The following MTBP variants were observed in gnomAD, a reference collection of about 807,000 sequenced individuals.
The protein encoded by MTBP is MDM2 binding protein.
A neutral mutation model predicts 117.0 loss-of-function variants in MTBP; 101 were observed. The observed-to-expected ratio is 0.86, with a 90% CI of 0.73 to 1.02. The LOEUF is 1.02. Among genes scored for constraint, MTBP ranks in the 50% least tolerant of loss-of-function variants. MTBP has a pLI of 0.00. For missense variants in MTBP, 970 were observed against 1,030.9 expected, an observed-to-expected ratio of 0.94 and a Z score of 0.81; for synonymous variants, 350 against 351.5, an observed-to-expected ratio of 1.00 and a Z score of 0.05.
At chr8:120,521,745 T>C (rs1815009729) in intron 20 of MTBP, among the ~76,000 whole-genome samples, 1 of 152,236 alleles carries the variant, frequency 6.6e-6, no homozygotes, top group South Asian at 2.1e-4. Context: ...CTTTTGTATG[T>C]CATTCTTCTT....
At chr8:120,487,554 A>G (rs1178716427) in intron 11 of MTBP, among the ~76,000 whole-genome samples, 1 of 152,230 alleles carries the variant, frequency 6.6e-6, no homozygotes, top group Non-Finnish European at 1.5e-5. Context: ...GAAAGATTCT[A>G]CTTCTATTTT....
intron 5 of MTBP, among the ~76,000 whole-genome samples, chr8:120,454,492 T>C (rs890640314): frequency 1.3e-5 from 2 of 152,090 alleles, no homozygotes; most frequent in African/African-American, 4.8e-5. Context: ...ATCTAATATT[T>C]GGTACAGTTG....
In MTBP at chr8:120,451,535, G is replaced by A. The variant is rs567492755; in HGVS notation, c.425+213G>A. 7.2e-4 allele frequency: 328 copies of A among 457,864 alleles called. 1 individual carries two copies. Among genetic ancestry groups the A allele is most frequent in the Non-Finnish European group, 6.6e-4 (169 of 257,702 alleles). 28.4% of individuals were successfully genotyped at this position (457,864 alleles called of 1,614,324 possible). A position where few individuals can be genotyped will look rare whatever the true frequency, so the allele number is the denominator to read the frequency against. On this transcript the variant is annotated intron_variant, in intron 4 of 21. Transcript: ENST00000305949. ...TACATAATGTCAAGAATCATAAAAAGTGATATTTTAATAAACATGTTCCTT... is the reference window on the plus strand; with the variant it reads ...TACATAATGTCAAGAATCATAAAAAATGATATTTTAATAAACATGTTCCTT...
At chr8:120,470,549 A>T (rs762839171) in intron 10 of MTBP, among the ~76,000 whole-genome samples, 1 of 152,228 alleles carries the variant, frequency 6.6e-6, no homozygotes. Flanking sequence ...TGTATTTTTC[A>T]GAGATGTATA....
chr8:120,472,294 A>G (rs185307442), intron 11 of MTBP: 1 of 152,314 alleles, frequency 6.6e-6, no homozygotes. Context: ...TAAGATATCT[A>G]TGTGGAAATT....
chr8:120,484,457 T>G (rs78806987), intron 11 of MTBP, among the ~76,000 whole-genome samples: 2,076 of 152,236 alleles, frequency 0.014, 41 homozygotes, highest in African/African-American at 0.046. Flanking sequence ...TGTAATAAAA[T>G]TACAGTACTT....
At chr8:120,511,232 G>A (rs1474932614) in intron 17 of MTBP, among the ~76,000 whole-genome samples, 1 of 152,168 alleles carries the variant, frequency 6.6e-6, no homozygotes, top group African/African-American at 2.4e-5. Context: ...CTTAAATTTA[G>A]CTGAAGCTTT....
chr8:120,463,955 C>T (rs71514706), intron 10 of MTBP, among the ~76,000 whole-genome samples, 194 bp downstream of exon 10: 14,401 of 152,016 alleles, frequency 0.095, 1,004 homozygotes, highest in Non-Finnish European at 0.14. Flanking sequence ...TAAAAGTACT[C>T]TGCAAACATA....
At position 120,456,596 on chromosome 8, in the gene MTBP, T is replaced by A. The variant is rs763801842; in HGVS notation, c.673T>A (p.Ser225Thr). ...IAEYLSANVV[S>T]LEDLRNVIDS... ...AGAATACCTTTCTGCTAATGTTGTA[T>A]CTTTAGAAGATCTCAGAAATGTTAT... The change falls in exon 7 of 22, where the codon TCT becomes ACT. Residue 225 changes from serine (S) to threonine (T), a missense_variant. Ser to Thr is a moderately conservative substitution (Grantham distance 58). Transcript: ENST00000305949. The A allele has an allele frequency of 3.8e-6, 6 of 1,599,956 alleles. No individual in the cohort carries two copies. In the South Asian group the frequency reaches 5.6e-5, roughly 15 times the overall value.
At position 120,455,510 on chromosome 8, in the gene MTBP, T is replaced by C. The variant is rs1218526296; in HGVS notation, c.560T>C (p.Val187Ala). ...AAATTGAAAGACTATTTACCTACTG[T>C]AGGAGCATTAAAACATTTGAGAGAA... ...PPKLKDYLPTVGALKHLREWY... is the reference protein window; with the variant it reads ...PPKLKDYLPTAGALKHLREWY... The change falls in exon 6 of 22, where the codon GTA becomes GCA. Residue 187 changes from valine to alanine, a missense_variant. Transcript: ENST00000305949. 13 of 1,608,314 alleles carry C rather than the reference T, an allele frequency of 8.1e-6. No homozygotes were observed. Among genetic ancestry groups the C allele is most frequent in the Non-Finnish European group, 1.0e-5 (12 of 1,175,942 alleles).
chr8:120,461,658 A>G (rs1361479540), intron 9 of MTBP, among the ~76,000 whole-genome samples: 1 of 152,130 alleles, frequency 6.6e-6, no homozygotes, highest in East Asian at 1.9e-4. Flanking sequence ...ATTAACTGCA[A>G]CTTTGTCCTT....
intron 11 of MTBP, among the ~76,000 whole-genome samples, chr8:120,484,154 T>A (rs1814159075): frequency 6.6e-6 from 1 of 152,128 alleles, no homozygotes. Flanking sequence ...AAGAATGTCA[T>A]AGATTGAAGA....
chr8:120,494,823 T>C (rs2130590801), intron 13 of MTBP, among the ~76,000 whole-genome samples: 1 of 152,338 alleles, frequency 6.6e-6, no homozygotes, highest in East Asian at 1.9e-4. Context: ...ATTTTAAATT[T>C]GCCTACTCTT....
At chr8:120,470,544 T>A (rs899151254) in intron 10 of MTBP, among the ~76,000 whole-genome samples, 10 of 152,128 alleles carry the variant, frequency 6.6e-5, no homozygotes, top group African/African-American at 2.4e-4. Context: ...TATTGTGTAT[T>A]TTTCAGAGAT....
chr8:120,517,812 C>T lies in MTBP; in HGVS notation c.2247-39C>T, dbSNP rs779561228. On this transcript the variant is annotated intron_variant, in intron 18 of 21. Coordinates refer to ENST00000305949, the MANE Select transcript of MTBP (RefSeq NM_022045.5). ...GAAAATGAACTTCGATGTTGATTCG[C>T]TTAATCTACGTTCTTGATTTTTTTC... 2.0e-5 allele frequency: 32 copies of T among 1,572,740 alleles called. No homozygotes were observed. The Admixed American group carries it at 3.6e-4, about 18-fold the overall frequency.
intron 11 of MTBP, among the ~76,000 whole-genome samples, chr8:120,480,936 G>C (rs748448770): frequency 2.0e-5 from 3 of 152,100 alleles, no homozygotes; most frequent in African/African-American, 7.2e-5. Flanking sequence ...AGTTCCAGTC[G>C]TATATCTGAC....
intron 11 of MTBP, among the ~76,000 whole-genome samples, chr8:120,479,117 T>C (rs1368700786): frequency 6.6e-6 from 1 of 152,122 alleles, no homozygotes; most frequent in Non-Finnish European, 1.5e-5. Flanking sequence ...TACACAAATA[T>C]AAAGATGGGA....
intron 13 of MTBP, among the ~76,000 whole-genome samples, chr8:120,496,218 A>G (rs980363453): frequency 9.2e-5 from 14 of 152,200 alleles, no homozygotes; most frequent in Non-Finnish European, 1.6e-4. Context: ...AAGTCAGAAG[A>G]ATCTATCAGA....
At position 120,463,770 on chromosome 8, in the gene MTBP, G is replaced by T; in HGVS notation, c.1047+9G>T. The T allele has an allele frequency of 1.2e-6, 2 of 1,607,900 alleles. No homozygotes were observed. The highest frequency in any genetic ancestry group is 1.7e-6 in the Non-Finnish European group (2 of 1,176,772). On this transcript the variant is annotated intron_variant, in intron 10 of 21. Transcript: ENST00000305949. ...CTTCTCTGTGTAGCAAGGTATTGAGGGTTTCTTGGGGGTTTTTTGTTTGTT... is the reference window on the plus strand; with the variant it reads ...CTTCTCTGTGTAGCAAGGTATTGAGTGTTTCTTGGGGGTTTTTTGTTTGTT...
Sources: allele counts gnomAD v4.1 joint callset (sites outside exome capture counted in the v4.1 genomes callset), GRCh38; gene constraint gnomAD v4.1.1; transcripts MANE v1.5; gene names NCBI Gene and HGNC (gene_info 2026-07-23, HGNC 2026-07-21).